Variants in FBLN1 observed in about 807,000 individuals in gnomAD.
FBLN1 encodes fibulin 1, also known as fibulin-1.
Under a neutral mutation model 89.7 loss-of-function variants are expected in FBLN1, and 34 were observed. The ratio of observed to expected loss-of-function variants is 0.38; its 90% confidence interval spans 0.29 to 0.50. FBLN1 has a LOEUF of 0.50. Ranked by LOEUF, FBLN1 falls within the 20% of genes least tolerant of loss-of-function variation. The probability of loss-of-function intolerance (pLI) is 0.92; values close to 1 mark genes in which losing one functional copy is unlikely to be tolerated. For synonymous variants in FBLN1, 393 were observed against 391.3 expected, an observed-to-expected ratio of 1.00 and a Z score of -0.05; for missense variants, 777 against 988.1, an observed-to-expected ratio of 0.79 and a Z score of 2.86.
chr22:45,600,511 G>A lies in FBLN1; in HGVS notation c.*65G>A. On this transcript the variant is annotated 3_prime_UTR_variant, in exon 17 of 17. Transcript: ENST00000327858. The stretch of plus-strand genomic sequence containing the variant: ...CAAATCATTGCTGCCAGTGACTGTG[G>A]TCTGTACTTGTTTATACCCTCAGAC... 6.3e-7 allele frequency: 1 copy of A among 1,592,334 alleles called. No individual in the cohort carries two copies. The highest frequency in any genetic ancestry group is 1.3e-5 in the African/African-American group (1 of 74,558).
intron 10 of FBLN1, 113 bp downstream of exon 10, chr22:45,542,396 T>C: frequency 3.6e-6 from 5 of 1,403,406 alleles, no homozygotes; most frequent in Non-Finnish European, 4.0e-6. Context: ...TAATCCCAAG[T>C]GCAGGCAGAC....
In FBLN1 at chr22:45,531,320, C is replaced by T. The variant is rs1171230586; in HGVS notation, c.540C>T (p.Cys180=). The T allele has an allele frequency of 1.2e-6, 2 of 1,613,632 alleles. No homozygotes were observed. Among genetic ancestry groups the T allele is most frequent in the African/African-American group, 1.3e-5 (1 of 74,896 alleles). The change falls in exon 5 of 17, where the codon TGC becomes TGT. Residue 180 remains cysteine (C), a synonymous_variant. Transcript: ENST00000327858. This position sits in a 1 kb window ranked among gnomAD's most constrained non-coding sequence, Gnocchi z 4.9. ...EQEDPYLNDR[C]RGGGPCKQQC... ...AGGACCCATATCTGAATGACCGCTGCCGAGGTGAGACTCGGGCGTCTCCCA... is the reference window on the plus strand; with the variant it reads ...AGGACCCATATCTGAATGACCGCTGTCGAGGTGAGACTCGGGCGTCTCCCA...
chr22:45,569,660 GA>G (rs2088934417), intron 14 of FBLN1, among the ~76,000 whole-genome samples: 1 of 145,860 alleles, frequency 6.9e-6, no homozygotes, highest in Non-Finnish European at 1.5e-5. Context: ...AGAAGAAGAA[GA>G]AGAAGAAGAA....
In FBLN1 at chr22:45,541,267, A is replaced by G. The variant is rs1487331391; in HGVS notation, c.961A>G (p.Ile321Val). 5.0e-6 allele frequency: 8 copies of G among 1,614,070 alleles called. No homozygotes were observed. Among genetic ancestry groups the G allele is most frequent in the Admixed American group, 1.7e-5 (1 of 60,010 alleles). Residue 321 changes from isoleucine (I) to valine (V), a missense_variant, in exon 9 of 17, where the codon ATC becomes GTC. Transcript: ENST00000327858. The part of the protein sequence containing the change: ...ECLSISAPCP[I>V]GHTCINTEGS... ...TTTGAGTATCAGTGCCCCGTGCCCT[A>G]TCGGGCATACATGCATCAACACAGA...
In FBLN1 at chr22:45,527,757, G is replaced by T. The variant is rs1481771937; in HGVS notation, c.322-90G>T. ...CACTCTACAGGTTGTGTGGACAGGG[G>T]GCTCAGAGAGGCCTCCCCTGAGGCC... On this transcript the variant is annotated intron_variant, in intron 3 of 16. Transcript: ENST00000327858. 5 of 1,350,674 alleles carry T rather than the reference G, an allele frequency of 3.7e-6. No individual in the cohort carries two copies. The Admixed American group carries it at 8.5e-5, about 23-fold the overall frequency. 83.7% of individuals were successfully genotyped at this position (1,350,674 alleles called of 1,614,324 possible).
At position 45,560,353 on chromosome 22, in the gene FBLN1, C is replaced by T. The variant is rs186610164; in HGVS notation, c.1697+9738C>T. Among the ~76,000 whole-genome samples, 362 of 152,306 alleles carry T rather than the reference C, an allele frequency of 2.4e-3. 3 individuals are homozygous for T. The highest frequency in any genetic ancestry group is 8.2e-3 in the African/African-American group (340 of 41,560). On this transcript the variant is annotated intron_variant, in intron 14 of 16. Coordinates refer to ENST00000327858, the MANE Select transcript of FBLN1 (RefSeq NM_006486.3). ...AGGTGCTGCCCTCACAAATCTGTTTCGAAAGACATTGGTCAAGGGTATATC... is the reference window on the plus strand; with the variant it reads ...AGGTGCTGCCCTCACAAATCTGTTTTGAAAGACATTGGTCAAGGGTATATC...
At position 45,503,030 on chromosome 22, in the gene FBLN1, G is replaced by A; in HGVS notation, c.45G>A (p.Leu15=). ...CGCGCCGGGTCCCGCTTCCGCTGCT[G>A]CTGCTCGGCGGCCTTGCGCTGCTGG... ...APSRRVPLPL[L]LLGGLALLAA... is the part of the protein sequence containing the mutation. The change falls in exon 1 of 17, where the codon CTG becomes CTA. Residue 15 remains leucine, a synonymous_variant. Transcript: ENST00000327858. The A allele has an allele frequency of 8.0e-7, 1 of 1,252,632 alleles. No homozygotes were observed. The highest frequency in any genetic ancestry group is 3.9e-5 in the Admixed American group (1 of 25,552). 77.6% of individuals were successfully genotyped at this position (1,252,632 alleles called of 1,614,324 possible). A position where few individuals can be genotyped will look rare whatever the true frequency, so the allele number is the denominator to read the frequency against.
At chr22:45,595,126 C>A (rs2089173562) in intron 16 of FBLN1, among the ~76,000 whole-genome samples, 1 of 152,028 alleles carries the variant, frequency 6.6e-6, no homozygotes, top group South Asian at 2.1e-4. Context: ...ATGGAGGAAA[C>A]CTGTTCCCCA....
intron 14 of FBLN1, among the ~76,000 whole-genome samples, chr22:45,560,044 G>A (rs571900919): frequency 9.2e-5 from 14 of 152,338 alleles, no homozygotes; most frequent in Admixed American, 3.3e-4. Flanking sequence ...AAGTAGGAAT[G>A]CAGTAGGCTT....
intron 7 of FBLN1, among the ~76,000 whole-genome samples, chr22:45,534,292 C>CAAAATAAAAAAAA (rs2088452833): frequency 1.2e-5 from 1 of 83,208 alleles, no homozygotes; most frequent in Non-Finnish European, 2.1e-5. Flanking sequence ...GTACTTTCTA[C>CAAAATAAAAAAAA]AAAAAAAAAA....
intron 16 of FBLN1, among the ~76,000 whole-genome samples, chr22:45,592,008 C>T (rs1203645746): frequency 5.3e-5 from 8 of 150,652 alleles, no homozygotes; most frequent in African/African-American, 9.7e-5. Context: ...AAGTGTCCTG[C>T]GCGCCATTTT....
intron 1 of FBLN1, 105 bp downstream of exon 1, chr22:45,503,169 C>T (rs1857544534): frequency 4.5e-6 from 4 of 887,068 alleles, no homozygotes; most frequent in Admixed American, 5.0e-5. Flanking sequence ...CCGTGCGTTG[C>T]CCTGCGCGGC....
chr22:45,533,999 CCT>C, intron 7 of FBLN1, 101 bp downstream of exon 7: 4 of 1,526,402 alleles, frequency 2.6e-6, no homozygotes, highest in Non-Finnish European at 3.6e-6. Context: ...AGTCCTGCGC[CCT>C]CTGTGGCTGC....
At position 45,550,658 on chromosome 22, in the gene FBLN1, C is replaced by A; in HGVS notation, c.1697+43C>A. On this transcript the variant is annotated intron_variant, in intron 14 of 16. Coordinates refer to ENST00000327858, the MANE Select transcript of FBLN1 (RefSeq NM_006486.3). This position sits in a 1 kb window ranked among gnomAD's most constrained non-coding sequence, Gnocchi z 8.4. ...TGCCATCGTCGTCTGTCTGTGTTGG[C>A]CTTCCTGGTGACCCAGTTCCCGGGT... The A allele has an allele frequency of 6.2e-7, 1 of 1,613,810 alleles. No homozygotes were observed. Among genetic ancestry groups the A allele is most frequent in the Non-Finnish European group, 8.5e-7 (1 of 1,179,988 alleles).
intron 14 of FBLN1, among the ~76,000 whole-genome samples, chr22:45,569,587 C>T (rs1026726532): frequency 3.3e-5 from 5 of 151,760 alleles, no homozygotes; most frequent in African/African-American, 7.3e-5. Flanking sequence ...TGCAGTGAGC[C>T]GAGATCATGC....
In FBLN1 at chr22:45,531,278, G is replaced by A. The variant is rs2088402787; in HGVS notation, c.498G>A (p.Glu166=). ...TTTCCCCCTTAGATAAGATCATTGA[G>A]GTTGAGGAGGAACAAGAGGACCCAT... ...GGLQETDKII[E]VEEEQEDPYL... is the part of the protein sequence containing the mutation. The change falls in exon 5 of 17, where the codon GAG becomes GAA. Residue 166 remains glutamate (E), a synonymous_variant. Transcript: ENST00000327858. This position sits in a 1 kb window ranked among gnomAD's most constrained non-coding sequence, Gnocchi z 4.9. 3 of 1,613,918 alleles carry A rather than the reference G, an allele frequency of 1.9e-6. No individual in the cohort carries two copies. The African/African-American group carries it at 4.0e-5, about 22-fold the overall frequency.
chr22:45,545,026 C>G lies in FBLN1; in HGVS notation c.1321+1500C>G, dbSNP rs557324226. Among the ~76,000 whole-genome samples, 19 of 152,314 alleles carry G rather than the reference C, an allele frequency of 1.2e-4. No homozygotes were observed. The highest frequency in any genetic ancestry group is 2.5e-4 in the Non-Finnish European group (17 of 68,030). ...ACAGGACGGCTTCTGCAGCCTGACTCAAACATGGCAGGTCCTAACATTTTG... is the reference window on the plus strand; with the variant it reads ...ACAGGACGGCTTCTGCAGCCTGACTGAAACATGGCAGGTCCTAACATTTTG... On this transcript the variant is annotated intron_variant, in intron 11 of 16. Transcript: ENST00000327858. This position sits in a 1 kb window ranked among gnomAD's most constrained non-coding sequence, Gnocchi z 5.9.
intron 1 of FBLN1, among the ~76,000 whole-genome samples, chr22:45,506,280 A>G (rs1569230434): frequency 6.6e-6 from 1 of 152,282 alleles, no homozygotes; most frequent in East Asian, 1.9e-4. Flanking sequence ...CTACTACTGA[A>G]TTTCCCAGCC....
intron 11 of FBLN1, 110 bp from the exon 12 acceptor site, chr22:45,546,975 G>C (rs1220291852): frequency 6.4e-7 from 1 of 1,552,142 alleles, no homozygotes; most frequent in Non-Finnish European, 8.8e-7. Context: ...CTCCGAGTGT[G>C]TTAACCTGAG....
Sources: gnomAD v4.1 joint callset for allele counts (sites outside exome capture counted in the v4.1 genomes callset) on GRCh38, gnomAD v4.1.1 for gene constraint, Gnocchi (gnomAD v3.1) non-coding constraint, MANE v1.5 for transcripts, NCBI Gene and HGNC (gene_info 2026-07-23, HGNC 2026-07-21) for gene names.